Variants in KCNQ5 observed in about 807,000 individuals in gnomAD.
The protein encoded by KCNQ5 is potassium voltage-gated channel subfamily KQT member 5.
Under a neutral mutation model 98.2 loss-of-function variants are expected in KCNQ5, and 30 were observed. That is an observed-to-expected ratio of 0.31 (90% CI 0.23 to 0.41). KCNQ5 has a LOEUF of 0.41. KCNQ5 is among the 10% of genes least tolerant of loss of function. KCNQ5 has a pLI of 1.00. For synonymous variants in KCNQ5, 458 were observed against 449.4 expected (o/e 1.02, Z -0.24); for missense variants, 835 against 1,182.5 (o/e 0.71, Z 4.31).
chr6:73,177,631 G>A (rs1224177912), intron 11 of KCNQ5, among the ~76,000 whole-genome samples: 1 of 152,172 alleles, frequency 6.6e-6, no homozygotes, highest in Non-Finnish European at 1.5e-5. Context: ...TGCGGGTTTT[G>A]TTAAATCTAC....
chr6:73,037,824 C>A (rs1771508216), intron 2 of KCNQ5, among the ~76,000 whole-genome samples: 1 of 151,978 alleles, frequency 6.6e-6, no homozygotes, highest in Non-Finnish European at 1.5e-5. Context: ...TCGTTTTATT[C>A]TTCTTTGTCA....
chr6:73,166,703 A>G (rs781730708), intron 10 of KCNQ5, among the ~76,000 whole-genome samples: 40 of 152,276 alleles, frequency 2.6e-4, no homozygotes, highest in Admixed American at 4.6e-4. Flanking sequence ...GTCTGAAATC[A>G]TGGGCTCATT....
intron 1 of KCNQ5, among the ~76,000 whole-genome samples, chr6:72,840,515 T>A (rs970699142): frequency 6.6e-6 from 1 of 152,114 alleles, no homozygotes; most frequent in Non-Finnish European, 1.5e-5. Context: ...CTACCCTCAG[T>A]ATAAAACTGT....
intron 1 of KCNQ5, among the ~76,000 whole-genome samples, chr6:72,926,429 G>GA (rs1765422442): frequency 6.6e-6 from 1 of 152,018 alleles, no homozygotes; most frequent in Admixed American, 6.6e-5. Flanking sequence ...ATAATTTCTA[G>GA]AAGTTGGTGT....
intron 3 of KCNQ5, among the ~76,000 whole-genome samples, chr6:73,075,512 C>T (rs1280448750): frequency 2.6e-5 from 4 of 152,160 alleles, no homozygotes; most frequent in Admixed American, 6.5e-5. Flanking sequence ...TGAGCCACTG[C>T]GCCCAGCCTA....
At chr6:72,779,011 A>T (rs938280562) in intron 1 of KCNQ5, among the ~76,000 whole-genome samples, 2 of 152,192 alleles carry the variant, frequency 1.3e-5, no homozygotes, top group African/African-American at 4.8e-5. Context: ...AGTAAGGTGG[A>T]TTGAGGAGTA....
At position 72,672,299 on chromosome 6, in the gene KCNQ5, T is replaced by G. The variant is rs183828393; in HGVS notation, c.398+49712T>G. ...TTTTTGTAGAGACGGAGTTTCGCCA[T>G]GTTGGGCAGACTTGTCTCAAACTCC... On this transcript the variant is annotated intron_variant, in intron 1 of 13. Transcript: ENST00000370398. Among the ~76,000 whole-genome samples the G allele has an allele frequency of 9.7e-4, 147 of 151,750 alleles. 1 individual carries two copies. Among genetic ancestry groups the G allele is most frequent in the Non-Finnish European group, 1.7e-3 (114 of 67,754 alleles).
At chr6:72,771,611 T>C (rs1013670450) in intron 1 of KCNQ5, among the ~76,000 whole-genome samples, 2 of 151,552 alleles carry the variant, frequency 1.3e-5, no homozygotes, top group Non-Finnish European at 2.9e-5. Context: ...CTATGTGAGA[T>C]GATGGATATG....
intron 1 of KCNQ5, among the ~76,000 whole-genome samples, chr6:72,934,801 C>G (rs1765833553): frequency 6.6e-6 from 1 of 152,168 alleles, no homozygotes; most frequent in South Asian, 2.1e-4. Flanking sequence ...TGTCAGTCAA[C>G]TCTGAAAGCT....
intron 1 of KCNQ5, among the ~76,000 whole-genome samples, chr6:72,849,372 T>C (rs921247978): frequency 1.3e-5 from 2 of 152,218 alleles, no homozygotes; most frequent in African/African-American, 2.4e-5. Context: ...CATAGTGTTT[T>C]CCATAGAGGT....
At chr6:72,998,956 C>T (rs1037953528) in intron 1 of KCNQ5, among the ~76,000 whole-genome samples, 3 of 152,154 alleles carry the variant, frequency 2.0e-5, no homozygotes, top group Non-Finnish European at 4.4e-5. Flanking sequence ...CTACTTTAAA[C>T]CTCAGCTCCA....
At chr6:72,775,205 A>G (rs1773101969) in intron 1 of KCNQ5, among the ~76,000 whole-genome samples, 2 of 152,212 alleles carry the variant, frequency 1.3e-5, no homozygotes, top group Admixed American at 1.3e-4. Flanking sequence ...ACACAGCAAT[A>G]AGAATAATCT....
intron 1 of KCNQ5, among the ~76,000 whole-genome samples, chr6:72,831,919 T>C (rs778769905): frequency 1.9e-4 from 29 of 151,704 alleles, no homozygotes; most frequent in Non-Finnish European, 3.7e-4. Flanking sequence ...AAGGCAGAGA[T>C]GTTGGGGGCT....
chr6:72,952,502 TAAG>T (rs1353842462), intron 1 of KCNQ5, among the ~76,000 whole-genome samples: 1 of 152,220 alleles, frequency 6.6e-6, no homozygotes. Flanking sequence ...GCCACTGTGT[TAAG>T]AAGCACCCCA....
chr6:72,895,114 TAAAAAA>T (rs71540357), intron 1 of KCNQ5, among the ~76,000 whole-genome samples: 22 of 89,252 alleles, frequency 2.5e-4, no homozygotes, highest in African/African-American at 9.5e-4. Flanking sequence ...CCATCTCTAC[TAAAAAA>T]AAAAAAAAAA....
At chr6:73,003,599 G>C (rs547028956) in intron 1 of KCNQ5, among the ~76,000 whole-genome samples, 1 of 152,078 alleles carries the variant, frequency 6.6e-6, no homozygotes, top group Non-Finnish European at 1.5e-5. Context: ...TCTCAGGATC[G>C]TTGTTTGGGA....
At chr6:72,825,899 T>A (rs2150118632) in intron 1 of KCNQ5, among the ~76,000 whole-genome samples, 1 of 152,264 alleles carries the variant, frequency 6.6e-6, no homozygotes, top group South Asian at 2.1e-4. Context: ...GAGAAAACTT[T>A]AATCAGATTA....
intron 1 of KCNQ5, among the ~76,000 whole-genome samples, chr6:72,913,701 T>C (rs1780029353): frequency 6.6e-6 from 1 of 152,192 alleles, no homozygotes. Context: ...AGGAAATATC[T>C]TCTCTTCCCA....
chr6:73,101,763 G>A (rs938007189), intron 5 of KCNQ5, among the ~76,000 whole-genome samples: 2 of 152,006 alleles, frequency 1.3e-5, no homozygotes, highest in African/African-American at 4.8e-5. Context: ...TACAAAAAAA[G>A]GAAAGATATT....
Sources: allele counts gnomAD v4.1 joint callset (sites outside exome capture counted in the v4.1 genomes callset), GRCh38; gene constraint gnomAD v4.1.1; transcripts MANE v1.5; gene names NCBI Gene and HGNC (gene_info 2026-07-23, HGNC 2026-07-21).